The following E2F5 variants were observed in gnomAD, a reference collection of about 807,000 sequenced individuals.
E2F5 encodes transcription factor E2F5.
A neutral mutation model predicts 39.1 loss-of-function variants in E2F5; 23 were observed. That is an observed-to-expected ratio of 0.59 (90% confidence interval 0.42 to 0.83). E2F5 has a LOEUF of 0.83. Among genes scored for constraint, E2F5 ranks in the 40% least tolerant of loss-of-function variants. The pLI is 0.00. For missense variants in E2F5, 365 were observed against 406.7 expected (o/e 0.90, Z 0.88); for synonymous variants, 145 against 157.8 (o/e 0.92, Z 0.61).
chr8:85,210,475 C>T (rs935028020), intron 6 of E2F5, among the ~76,000 whole-genome samples: 2 of 151,952 alleles, frequency 1.3e-5, no homozygotes, highest in African/African-American at 2.4e-5. Context: ...GTCAGGGGTT[C>T]GAGACCAGTC....
At chr8:85,193,155 T>G (rs964876014) in intron 1 of E2F5, among the ~76,000 whole-genome samples, 18 of 152,282 alleles carry the variant, frequency 1.2e-4, no homozygotes, top group Non-Finnish European at 2.4e-4. Flanking sequence ...ATAGTATTTT[T>G]TTTCAGTCAA....
intron 1 of E2F5, among the ~76,000 whole-genome samples, chr8:85,186,517 GTA>G (rs764909205): frequency 6.7e-6 from 1 of 150,310 alleles, no homozygotes; most frequent in African/African-American, 2.4e-5. Context: ...ATGTGTGTGT[GTA>G]TATATATGTA....
intron 1 of E2F5, among the ~76,000 whole-genome samples, chr8:85,181,834 G>C (rs1303542282): frequency 2.0e-5 from 3 of 150,910 alleles, no homozygotes; most frequent in Non-Finnish European, 3.0e-5. Context: ...TCGTGGAGGC[G>C]CCTGTAATCC....
Position 85,177,664 on chromosome 8 carries a change from G to C in E2F5, c.234+10G>C. The C allele has an allele frequency of 7.8e-7, 1 of 1,280,948 alleles. No homozygotes were observed. The highest frequency in any genetic ancestry group is 9.9e-7 in the Non-Finnish European group (1 of 1,011,240). 79.3% of individuals were successfully genotyped at this position (1,280,948 alleles called of 1,614,324 possible). ...TCTGGATCTCAAAGCGGTGAGCTCCGGAGGCGGGGACGGGGGCGGACTTCG... is the reference window on the plus strand; with the variant it reads ...TCTGGATCTCAAAGCGGTGAGCTCCCGAGGCGGGGACGGGGGCGGACTTCG... On this transcript the variant is annotated intron_variant, in intron 1 of 7. Coordinates refer to ENST00000416274, the MANE Select transcript of E2F5 (RefSeq NM_001951.4).
At chr8:85,197,298 AGAAGAACAAGCC>A (rs1563980135) in intron 1 of E2F5, among the ~76,000 whole-genome samples, 1 of 152,230 alleles carries the variant, frequency 6.6e-6, no homozygotes, top group Non-Finnish European at 1.5e-5. Context: ...ATGGTCCATC[AGAAGAACAAGCC>A]TGAGCCAATG....
intron 1 of E2F5, among the ~76,000 whole-genome samples, chr8:85,180,545 TA>T: frequency 1.2e-5 from 1 of 82,406 alleles, no homozygotes; most frequent in African/African-American, 4.2e-5. Context: ...TATATATATA[TA>T]TATATATATG....
At chr8:85,200,246 C>CAAA in intron 1 of E2F5, 1 of 718,660 alleles carries the variant, frequency 1.4e-6, no homozygotes, top group Non-Finnish European at 1.7e-6. Context: ...GACTCTGTCT[C>CAAA]AAAAAAAAAA....
At chr8:85,203,324 T>C in intron 3 of E2F5, 69 bp downstream of exon 3, 8 of 1,280,720 alleles carry the variant, frequency 6.2e-6, no homozygotes, top group Non-Finnish European at 8.1e-6. Flanking sequence ...CATTTCAGTC[T>C]AAAGATCATT....
intron 1 of E2F5, among the ~76,000 whole-genome samples, chr8:85,181,828 G>T (rs1388192582): frequency 6.6e-6 from 1 of 151,820 alleles, no homozygotes; most frequent in African/African-American, 2.4e-5. Flanking sequence ...CAGGCGTCGT[G>T]GAGGCGCCTG....
chr8:85,211,643 G>GTTGTTTT (rs1225610661), intron 6 of E2F5, among the ~76,000 whole-genome samples: 4 of 52,196 alleles, frequency 7.7e-5, no homozygotes, highest in African/African-American at 3.6e-4. Context: ...GTTTGTTGTT[G>GTTGTTTT]TTTTTTTTTT....
chr8:85,214,055 GA>G lies in E2F5; in HGVS notation c.*194del, dbSNP rs1362798813. 68 of 595,156 alleles carry G rather than the reference GA, an allele frequency of 1.1e-4. No individual in the cohort carries two copies. Among genetic ancestry groups the G allele is most frequent in the African/African-American group, 3.7e-5 (2 of 53,808 alleles). 36.9% of individuals were successfully genotyped at this position (595,156 alleles called of 1,614,324 possible). A position where few individuals can be genotyped will look rare whatever the true frequency, so the allele number is the denominator to read the frequency against. ...ACAAAGGGCTCTGATTGCTTTAGGGGATAAGTGATTTAATATCCACAAACGT... is the reference window on the plus strand; with the variant it reads ...ACAAAGGGCTCTGATTGCTTTAGGGGTAAGTGATTTAATATCCACAAACGT... On this transcript the variant is annotated 3_prime_UTR_variant, in exon 8 of 8. Coordinates refer to ENST00000416274, the MANE Select transcript of E2F5 (RefSeq NM_001951.4).
intron 1 of E2F5, among the ~76,000 whole-genome samples, chr8:85,187,489 T>G (rs1036430972): frequency 6.6e-6 from 1 of 152,182 alleles, no homozygotes; most frequent in Non-Finnish European, 1.5e-5. Flanking sequence ...TTCACACATA[T>G]TTACAACTGT....
intron 6 of E2F5, 81 bp from the exon 7 acceptor site, chr8:85,212,076 G>A (rs1389287831): frequency 3.7e-6 from 4 of 1,083,682 alleles, no homozygotes; most frequent in Non-Finnish European, 4.2e-6. Context: ...CAGTCAAGCT[G>A]CTGCTGTGAC....
At chr8:85,184,420 A>G (rs4150859) in intron 1 of E2F5, among the ~76,000 whole-genome samples, 102,068 of 152,090 alleles carry the variant, frequency 0.67, 34,765 homozygotes, top group Non-Finnish European at 0.69. Flanking sequence ...TACTGAATGG[A>G]CAAAAACTGG....
chr8:85,204,338 C>A (rs1208172716), intron 3 of E2F5, among the ~76,000 whole-genome samples: 1 of 151,946 alleles, frequency 6.6e-6, no homozygotes, highest in Non-Finnish European at 1.5e-5. Context: ...GAGAGACTGC[C>A]CATCCTGGGA....
intron 1 of E2F5, among the ~76,000 whole-genome samples, chr8:85,200,984 G>T (rs1176094643): frequency 1.3e-5 from 2 of 152,194 alleles, no homozygotes; most frequent in Non-Finnish European, 2.9e-5. Context: ...TCTTGAGGAA[G>T]ACCTGAATGA....
intron 3 of E2F5, among the ~76,000 whole-genome samples, chr8:85,203,829 T>C (rs1176172287): frequency 6.8e-6 from 1 of 147,968 alleles, no homozygotes; most frequent in African/African-American, 2.5e-5. Flanking sequence ...TAATATCATA[T>C]ATAATATATA....
At chr8:85,202,963 GC>G (rs1168835091) in intron 2 of E2F5, 130 bp from the exon 3 acceptor site, 4 of 644,068 alleles carry the variant, frequency 6.2e-6, no homozygotes, top group Non-Finnish European at 9.0e-6. Context: ...GGATTTTAGT[GC>G]TTGATTTTAA....
At chr8:85,205,023 TA>T (rs1812772713) in intron 3 of E2F5, among the ~76,000 whole-genome samples, 1 of 152,082 alleles carries the variant, frequency 6.6e-6, no homozygotes, top group Admixed American at 6.5e-5. Context: ...CTGTCCGTAC[TA>T]AAAGTACAAA....
Sources: gnomAD v4.1 joint callset for allele counts (sites outside exome capture counted in the v4.1 genomes callset) on GRCh38, gnomAD v4.1.1 for gene constraint, MANE v1.5 for transcripts, NCBI Gene and HGNC (gene_info 2026-07-23, HGNC 2026-07-21) for gene names.